KIRREL3: variants seen among roughly 807,000 people sequenced by gnomAD.
KIRREL3 encodes kirre like nephrin family adhesion molecule 3.
Under a neutral mutation model 89.7 loss-of-function variants are expected in KIRREL3, and 36 were observed. The observed-to-expected ratio is 0.40, with a 90% CI of 0.31 to 0.53. The LOEUF (loss-of-function observed/expected upper bound fraction) is 0.53. KIRREL3 is among the 20% of genes least tolerant of loss of function. The pLI, the probability that KIRREL3 is intolerant of heterozygous loss-of-function variation, is 0.49. For synonymous variants in KIRREL3, 445 were observed against 441.4 expected, an observed-to-expected ratio of 1.01 and a Z score of -0.10; for missense variants, 864 against 1,056.6, an observed-to-expected ratio of 0.82 and a Z score of 2.53.
chr11:126,992,117 C>A (rs946065468), intron 1 of KIRREL3, among the ~76,000 whole-genome samples: 3 of 152,142 alleles, frequency 2.0e-5, no homozygotes, highest in African/African-American at 4.8e-5. Context: ...CCTCAACAAC[C>A]AAAAGAATTT....
At chr11:126,910,836 G>A (rs1946787324) in intron 1 of KIRREL3, among the ~76,000 whole-genome samples, 1 of 152,212 alleles carries the variant, frequency 6.6e-6, no homozygotes, top group South Asian at 2.1e-4. Context: ...CATCTCTGAT[G>A]GCAGGGACTG....
chr11:126,967,898 T>C (rs1438519110), intron 1 of KIRREL3, among the ~76,000 whole-genome samples: 3 of 152,110 alleles, frequency 2.0e-5, no homozygotes, highest in African/African-American at 7.2e-5. Context: ...AGAATTACCC[T>C]GCCCAAAATA....
chr11:126,443,434 C>T lies in KIRREL3; in HGVS notation c.1252+1545G>A, dbSNP rs1419198183. Among the ~76,000 whole-genome samples, 1 of 152,188 alleles carries T rather than the reference C, an allele frequency of 6.6e-6. No individual in the cohort carries two copies. Among genetic ancestry groups the T allele is most frequent in the Non-Finnish European group, 1.5e-5 (1 of 68,042 alleles). On this transcript the variant is annotated intron_variant, in intron 10 of 16. Transcript: ENST00000525144. This position sits in a 1 kb window ranked among gnomAD's most constrained non-coding sequence, Gnocchi z 7.3. ...CGATCAGATGCTGTTATTTTTAGCC[C>T]TGCAGTGCCAATTTATTGGTGGCAT...
At chr11:126,825,170 G>C (rs4447190) in intron 1 of KIRREL3, among the ~76,000 whole-genome samples, 131,370 of 152,156 alleles carry the variant, frequency 0.86, 57,062 homozygotes, top group East Asian at 1. Flanking sequence ...TACAGGTAAT[G>C]TGGCTGTATG....
At chr11:126,857,147 T>C (rs1227766418) in intron 1 of KIRREL3, among the ~76,000 whole-genome samples, 2 of 152,158 alleles carry the variant, frequency 1.3e-5, no homozygotes, top group Non-Finnish European at 2.9e-5. Context: ...CTGAAGGACA[T>C]GAAGCCCAGT....
At chr11:126,998,994 T>C (rs1393614759) in intron 1 of KIRREL3, among the ~76,000 whole-genome samples, 1 of 137,842 alleles carries the variant, frequency 7.3e-6, no homozygotes, top group East Asian at 2.3e-4. Flanking sequence ...AGAAAGAGGG[T>C]AATCTTACCA....
At chr11:126,920,380 C>T (rs1156757918) in intron 1 of KIRREL3, 4 of 152,224 alleles carry the variant, frequency 2.6e-5, no homozygotes, top group Admixed American at 6.5e-5. Flanking sequence ...AACCGATGAA[C>T]GAAAGGTGGA....
In KIRREL3 at chr11:126,940,184, CA is replaced by C. The variant is rs759835822; in HGVS notation, c.55+60270del. On this transcript the variant is annotated intron_variant, in intron 1 of 16. Transcript: ENST00000525144. The surrounding 1 kb of genome is among the most constrained non-coding windows in gnomAD (Gnocchi z 4.6). ...AGCACTTCCACAAACAGCCTGCTCT[CA>C]AAGGATTGTCAAACGTGCAACAAAT... 2.0e-5 allele frequency among the ~76,000 whole-genome samples: 3 copies of C among 152,188 alleles called. No individual in the cohort carries two copies. The highest frequency in any genetic ancestry group is 4.4e-5 in the Non-Finnish European group (3 of 68,026).
Position 126,557,820 on chromosome 11 carries a change from C to T in KIRREL3, c.133+5015G>A, listed in dbSNP as rs1939816915. ...TTTGCACACAGAGCCTGGACTGGGA[C>T]CACAGTGCTGTTCGGGAGCTGTGGG... On this transcript the variant is annotated intron_variant, in intron 2 of 16. Coordinates refer to ENST00000525144, the MANE Select transcript of KIRREL3 (RefSeq NM_032531.4). This position sits in a 1 kb window ranked among gnomAD's most constrained non-coding sequence, Gnocchi z 5.6. Among the ~76,000 whole-genome samples the T allele has an allele frequency of 6.6e-6, 1 of 152,146 alleles. No individual in the cohort carries two copies. The highest frequency in any genetic ancestry group is 2.4e-5 in the African/African-American group (1 of 41,434).
intron 7 of KIRREL3, among the ~76,000 whole-genome samples, chr11:126,451,472 G>C (rs1258367427): frequency 6.8e-6 from 1 of 146,812 alleles, no homozygotes; most frequent in Non-Finnish European, 1.5e-5. Context: ...GTGGGCATGT[G>C]CATGTGTGTG....
At chr11:126,882,430 T>A (rs1478246929) in intron 1 of KIRREL3, among the ~76,000 whole-genome samples, 1 of 152,142 alleles carries the variant, frequency 6.6e-6, no homozygotes, top group Non-Finnish European at 1.5e-5. Flanking sequence ...ACACAAATCA[T>A]CCCTACCTAT....
Position 126,623,295 on chromosome 11 carries a change from A to G in KIRREL3, c.56-60383T>C, listed in dbSNP as rs1459426051. Among the ~76,000 whole-genome samples the G allele has an allele frequency of 6.6e-6, 1 of 152,132 alleles. No individual in the cohort carries two copies. Among genetic ancestry groups the G allele is most frequent in the East Asian group, 1.9e-4 (1 of 5,180 alleles). The stretch of plus-strand genomic sequence containing the variant: ...GCACATAAACAGACTGCCTCCCTGG[A>G]AACCAGGCCTGTCCTTGGTGGTGTA... On this transcript the variant is annotated intron_variant, in intron 1 of 16. Coordinates refer to ENST00000525144, the MANE Select transcript of KIRREL3 (RefSeq NM_032531.4). This position sits in a 1 kb window ranked among gnomAD's most constrained non-coding sequence, Gnocchi z 4.1.
chr11:126,456,212 G>T (rs528364616), intron 7 of KIRREL3, 137 bp downstream of exon 7: 1 of 627,606 alleles, frequency 1.6e-6, no homozygotes, highest in South Asian at 1.9e-5. Flanking sequence ...AAGAGGAAGG[G>T]AAGAAGGCTA....
Position 126,541,074 on chromosome 11 carries a change from T to A in KIRREL3, c.134-14387A>T, listed in dbSNP as rs4937149. ...GCAGGCTCGGCTACAGCAGACAGAGTGCCCATCAACCCCTCTCAGAGGGCG... is the reference window on the plus strand; with the variant it reads ...GCAGGCTCGGCTACAGCAGACAGAGAGCCCATCAACCCCTCTCAGAGGGCG... On this transcript the variant is annotated intron_variant, in intron 2 of 16. Coordinates refer to ENST00000525144, the MANE Select transcript of KIRREL3 (RefSeq NM_032531.4). This position sits in a 1 kb window ranked among gnomAD's most constrained non-coding sequence, Gnocchi z 4.8. Among the ~76,000 whole-genome samples, 19,847 of 152,040 alleles carry A rather than the reference T, an allele frequency of 0.13. 1,569 individuals carry two copies. The highest frequency in any genetic ancestry group is 0.2 in the Middle Eastern group (59 of 294).
In KIRREL3 at chr11:126,729,538, C is replaced by T. The variant is rs1948528115; in HGVS notation, c.56-166626G>A. Among the ~76,000 whole-genome samples the T allele has an allele frequency of 1.3e-5, 2 of 152,150 alleles. No individual in the cohort carries two copies. Among genetic ancestry groups the T allele is most frequent in the Non-Finnish European group, 2.9e-5 (2 of 68,026 alleles). On this transcript the variant is annotated intron_variant, in intron 1 of 16. Coordinates refer to ENST00000525144, the MANE Select transcript of KIRREL3 (RefSeq NM_032531.4). This position sits in a 1 kb window ranked among gnomAD's most constrained non-coding sequence, Gnocchi z 4.5. Reference sequence around the variant, plus strand: ...TGCAGCCTCAGGGAGTGATTACCTGCAATATGCCAGGGTACTGTCCCTGTA... The same window carrying T: ...TGCAGCCTCAGGGAGTGATTACCTGTAATATGCCAGGGTACTGTCCCTGTA...
rs1359107122 is a variant in KIRREL3, at chr11:126,870,588, A to C, written c.55+129867T>G. On this transcript the variant is annotated intron_variant, in intron 1 of 16. Coordinates refer to ENST00000525144, the MANE Select transcript of KIRREL3 (RefSeq NM_032531.4). The surrounding 1 kb of genome is among the most constrained non-coding windows in gnomAD (Gnocchi z 4.4). ...CTCCTGGCTCCACCATACCCTCACCATGCCAGGCTTGGCAGGCCCCAAACT... is the reference window on the plus strand; with the variant it reads ...CTCCTGGCTCCACCATACCCTCACCCTGCCAGGCTTGGCAGGCCCCAAACT... Among the ~76,000 whole-genome samples, 1 of 152,134 alleles carries C rather than the reference A, an allele frequency of 6.6e-6. No homozygotes were observed. The highest frequency in any genetic ancestry group is 1.5e-5 in the Non-Finnish European group (1 of 68,010).
chr11:126,625,669 C>CAG (rs1432379378), intron 1 of KIRREL3, among the ~76,000 whole-genome samples: 1 of 152,134 alleles, frequency 6.6e-6, no homozygotes, highest in Non-Finnish European at 1.5e-5. Flanking sequence ...TGGAACATAG[C>CAG]AGACCACTTT....
intron 1 of KIRREL3, among the ~76,000 whole-genome samples, chr11:126,591,023 T>G (rs675052): frequency 1.6e-4 from 24 of 152,252 alleles, no homozygotes; most frequent in Non-Finnish European, 3.5e-4. Flanking sequence ...CCCAGGAGTT[T>G]GAGACCAGCC....
At position 126,995,697 on chromosome 11, in the gene KIRREL3, A is replaced by G. The variant is rs1175797868; in HGVS notation, c.55+4758T>C. Among the ~76,000 whole-genome samples the G allele has an allele frequency of 6.6e-6, 1 of 152,172 alleles. No homozygotes were observed. Among genetic ancestry groups the G allele is most frequent in the Admixed American group, 6.5e-5 (1 of 15,282 alleles). ...AAGTACTCCACAAATCAAAGGTATCATTAGTATTGTTATTATTTTGCTATT... is the reference window on the plus strand; with the variant it reads ...AAGTACTCCACAAATCAAAGGTATCGTTAGTATTGTTATTATTTTGCTATT... On this transcript the variant is annotated intron_variant, in intron 1 of 16. Transcript: ENST00000525144. The surrounding 1 kb of genome is among the most constrained non-coding windows in gnomAD (Gnocchi z 6.5).
Sources: gnomAD v4.1 joint callset for allele counts (sites outside exome capture counted in the v4.1 genomes callset) on GRCh38, gnomAD v4.1.1 for gene constraint, Gnocchi (gnomAD v3.1) non-coding constraint, MANE v1.5 for transcripts, NCBI Gene and HGNC (gene_info 2026-07-23, HGNC 2026-07-21) for gene names.